COG4: variants seen among roughly 807,000 people sequenced by gnomAD.
COG4 encodes the protein conserved oligomeric Golgi complex subunit 4.
Under a neutral mutation model 95.1 loss-of-function variants are expected in COG4, and 65 were observed. The ratio of observed to expected loss-of-function variants is 0.68; its 90% CI spans 0.56 to 0.84. The LOEUF is 0.84. COG4 is among the 40% of genes least tolerant of loss of function. The probability of loss-of-function intolerance (pLI) is 0.00; values close to 1 mark genes in which losing one functional copy is unlikely to be tolerated. For synonymous variants in COG4, 421 were observed against 374.8 expected, an observed-to-expected ratio of 1.12 and a Z score of -1.42; for missense variants, 1,045 against 989.1, an observed-to-expected ratio of 1.06 and a Z score of -0.76.
intron 12 of COG4, among the ~76,000 whole-genome samples, chr16:70,494,999 T>C (rs1462815207): frequency 6.6e-6 from 1 of 152,184 alleles, no homozygotes; most frequent in Non-Finnish European, 1.5e-5. Flanking sequence ...CTAGTTACTA[T>C]GGGTTCCTCT....
chr16:70,481,743 C>A, intron 17 of COG4, 21 bp downstream of exon 17: 1 of 1,599,396 alleles, frequency 6.3e-7, no homozygotes, highest in Non-Finnish European at 8.6e-7. Context: ...GAGCCGCAGA[C>A]CCATGACCCC....
At chr16:70,492,861 G>A (rs1050268938) in intron 12 of COG4, among the ~76,000 whole-genome samples, 2 of 151,736 alleles carry the variant, frequency 1.3e-5, no homozygotes, top group Non-Finnish European at 2.9e-5. Context: ...TACTTGGGGG[G>A]CTGAGGCAGG....
intron 3 of COG4, among the ~76,000 whole-genome samples, chr16:70,515,128 A>T (rs1349950086): frequency 6.7e-6 from 1 of 150,330 alleles, no homozygotes; most frequent in African/African-American, 2.5e-5. Context: ...CAATCCTCCC[A>T]CCTCAGCCTC....
chr16:70,520,451 T>G lies in COG4; in HGVS notation c.172-720A>C, dbSNP rs1181174847. On this transcript the variant is annotated intron_variant, in intron 1 of 18. Transcript: ENST00000323786. ...TCCAGCTTGGGCAACAAAGTGAGAC[T>G]CCGTCTCAAAAACAAAAAACAAAAA... is the stretch of plus-strand genomic sequence containing the variant. 4.0e-5 allele frequency among the ~76,000 whole-genome samples: 5 copies of G among 124,856 alleles called. No homozygotes were observed. In the East Asian group the frequency reaches 1.3e-3, roughly 33 times the overall value. The allele number at this position is 124,856 out of a possible 152,430, so 81.9% of individuals were successfully genotyped here.
At position 70,481,092 on chromosome 16, in the gene COG4, C is replaced by G. The variant is rs543968780; in HGVS notation, c.2288G>C (p.Arg763Pro). 1 of 1,613,426 alleles carries G rather than the reference C, an allele frequency of 6.2e-7. No individual in the cohort carries two copies. The highest frequency in any genetic ancestry group is 8.5e-7 in the Non-Finnish European group (1 of 1,180,012). ...WGPNSGPLTW[R>P]LTPAEVRQVL... ...CTGGCGCACTTCAGCAGGGGTGAGG[C>G]GCCACGTCAATGGGCCGGAATTGGG... The change falls in exon 19 of 19, where the codon CGC (arginine) becomes CCC (proline). Residue 763 changes from arginine (R) to proline (P), a missense_variant. By Grantham distance (103) the Arg-to-Pro change is moderately radical. Coordinates refer to ENST00000323786, the MANE Select transcript of COG4 (RefSeq NM_015386.3).
intron 13 of COG4, among the ~76,000 whole-genome samples, chr16:70,487,614 G>GTCACA (rs1334367440): frequency 6.6e-6 from 1 of 152,180 alleles, no homozygotes; most frequent in Non-Finnish European, 1.5e-5. Flanking sequence ...CAGCCAACTT[G>GTCACA]TTGAACACAT....
chr16:70,515,798 G>A (rs1052473297), intron 3 of COG4: 15 of 301,232 alleles, frequency 5.0e-5, no homozygotes, highest in Non-Finnish European at 9.1e-5. Flanking sequence ...AGAATCACAC[G>A]TTTCACCAGT....
chr16:70,517,872 T>TA (rs2049857305), intron 2 of COG4, 132 bp from the exon 3 acceptor site: 4 of 685,282 alleles, frequency 5.8e-6, no homozygotes, highest in Non-Finnish European at 1.1e-5. Context: ...GTTTGCTCTA[T>TA]ACTCAGCTTT....
intron 13 of COG4, among the ~76,000 whole-genome samples, chr16:70,484,185 CAG>C (rs1335460750): frequency 6.6e-6 from 1 of 152,232 alleles, no homozygotes; most frequent in African/African-American, 2.4e-5. Flanking sequence ...GAGTAAGAAA[CAG>C]AAATACCAGA....
rs1416088869 is a variant in COG4 at position 70,514,200 on chromosome 16, C to T, written c.544+135G>A. ...ACCCTATCCTGACAAGAGCAAGACT[C>T]CGTCTCAAAAAAAAAGAAGAAAAAG... On this transcript the variant is annotated intron_variant, in intron 4 of 18. Coordinates refer to ENST00000323786, the MANE Select transcript of COG4 (RefSeq NM_015386.3). 7 of 886,106 alleles carry T rather than the reference C, an allele frequency of 7.9e-6. No homozygotes were observed. The African/African-American group carries it at 1.0e-4, about 13-fold the overall frequency. 54.9% of individuals were successfully genotyped at this position (886,106 alleles called of 1,614,324 possible).
chr16:70,500,689 C>G (rs906473115), intron 9 of COG4, among the ~76,000 whole-genome samples: 26 of 152,064 alleles, frequency 1.7e-4, no homozygotes, highest in Middle Eastern at 3.2e-3. Context: ...AAAAAAAGAA[C>G]ACTTCATTGA....
In COG4 at chr16:70,497,328, G is replaced by A. The variant is rs760357093; in HGVS notation, c.1374C>T (p.Val458=). The A allele has an allele frequency of 1.2e-6, 2 of 1,614,032 alleles. No individual in the cohort carries two copies. The highest frequency in any genetic ancestry group is 2.2e-5 in the South Asian group (2 of 91,080). Residue 458 remains valine, a synonymous_variant, in exon 11 of 19, where the codon GTC becomes GTT. Transcript: ENST00000323786. ...GQLTSSMVDD[V]FYIVKKCIGR... ...CAATGCACTTCTTAACAATGTAGAAGACATCATCCACCATGCTGGATGTCA... is the reference window on the plus strand; with the variant it reads ...CAATGCACTTCTTAACAATGTAGAAAACATCATCCACCATGCTGGATGTCA...
At chr16:70,507,272 C>CAA (rs200062449) in intron 8 of COG4, among the ~76,000 whole-genome samples, 1 of 150,806 alleles carries the variant, frequency 6.6e-6, no homozygotes, top group African/African-American at 2.4e-5. Flanking sequence ...AAAACAACAA[C>CAA]AAAAAAAAAC....
intron 12 of COG4, among the ~76,000 whole-genome samples, chr16:70,492,428 G>A (rs1019385204): frequency 2.0e-5 from 3 of 152,060 alleles, no homozygotes; most frequent in Admixed American, 6.6e-5. Context: ...GGAGGCCGAT[G>A]CGGGCAGATC....
chr16:70,520,425 C>T lies in COG4; in HGVS notation c.172-694G>A, dbSNP rs2049916665. On this transcript the variant is annotated intron_variant, in intron 1 of 18. Coordinates refer to ENST00000323786, the MANE Select transcript of COG4 (RefSeq NM_015386.3). ...AGTGAGCCGAGATCATGCCACTGCA[C>T]TCCAGCTTGGGCAACAAAGTGAGAC... is the stretch of plus-strand genomic sequence containing the variant. 2.3e-5 allele frequency among the ~76,000 whole-genome samples: 3 copies of T among 129,268 alleles called. No homozygotes were observed. The Admixed American group carries it at 2.7e-4, about 12-fold the overall frequency. 84.8% of individuals were successfully genotyped at this position (129,268 alleles called of 152,430 possible). A position where few individuals can be genotyped will look rare whatever the true frequency, so the allele number is the denominator to read the frequency against.
intron 8 of COG4, among the ~76,000 whole-genome samples, chr16:70,507,089 C>T (rs925830275): frequency 1.3e-5 from 2 of 151,852 alleles, no homozygotes; most frequent in African/African-American, 4.8e-5. Flanking sequence ...TGGTGGTGTA[C>T]AATATGTGTA....
At chr16:70,504,910 A>AC (rs1430577114) in intron 8 of COG4, among the ~76,000 whole-genome samples, 1 of 49,610 alleles carries the variant, frequency 2.0e-5, no homozygotes, top group Admixed American at 2.0e-4. Flanking sequence ...GACTGTCTCA[A>AC]AAAAAAAAAA....
At chr16:70,508,279 G>GA in intron 8 of COG4, 127 bp downstream of exon 8, 2 of 828,356 alleles carry the variant, frequency 2.4e-6, no homozygotes, top group Non-Finnish European at 4.1e-6. Flanking sequence ...ACATTGCACT[G>GA]AAAAATAAGA....
chr16:70,504,933 C>T (rs897652484), intron 8 of COG4, among the ~76,000 whole-genome samples: 2 of 149,934 alleles, frequency 1.3e-5, no homozygotes, highest in Non-Finnish European at 3.0e-5. Context: ...AAAATCCAGT[C>T]AAAATGCCGT....
Sources: gnomAD v4.1 joint callset for allele counts (sites outside exome capture counted in the v4.1 genomes callset) on GRCh38, gnomAD v4.1.1 for gene constraint, MANE v1.5 for transcripts, NCBI Gene and HGNC (gene_info 2026-07-23, HGNC 2026-07-21) for gene names.